The following PTPRJ variants were observed in gnomAD, a reference collection of about 807,000 sequenced individuals.
PTPRJ encodes the protein protein tyrosine phosphatase receptor type J.
PTPRJ carries 129 observed loss-of-function variants against 141.3 expected under a neutral mutation model. That is an observed-to-expected ratio of 0.91 (90% CI 0.79 to 1.06). The LOEUF is 1.06. PTPRJ is among the 50% of genes least tolerant of loss of function. The pLI is 0.00. For synonymous variants in PTPRJ, 610 were observed against 640.5 expected, an observed-to-expected ratio of 0.95 and a Z score of 0.72; for missense variants, 1,601 against 1,679.7, an observed-to-expected ratio of 0.95 and a Z score of 0.82.
At chr11:48,028,624 C>G (rs754055546) in intron 1 of PTPRJ, among the ~76,000 whole-genome samples, 1 of 152,142 alleles carries the variant, frequency 6.6e-6, no homozygotes, top group Non-Finnish European at 1.5e-5. Flanking sequence ...AACCCCGTCT[C>G]TACTAAAAAT....
intron 24 of PTPRJ, among the ~76,000 whole-genome samples, chr11:48,166,321 G>GT (rs1020897521): frequency 1.5e-4 from 22 of 145,452 alleles, no homozygotes; most frequent in East Asian, 2.1e-4. Context: ...ATTGGATGCT[G>GT]TTTTTTTTTT....
At chr11:48,138,039 A>G (rs1857144628) in intron 10 of PTPRJ, among the ~76,000 whole-genome samples, 1 of 152,204 alleles carries the variant, frequency 6.6e-6, no homozygotes, top group Non-Finnish European at 1.5e-5. Flanking sequence ...TTTATCACTC[A>G]GCACCCGTGC....
rs1853872779 is a variant in PTPRJ, at chr11:47,980,664, G to A, written c.-249G>A. On this transcript the variant is annotated 5_prime_UTR_variant, in exon 1 of 25. Transcript: ENST00000418331. ...GGCGCCGCTCGCTCCGCCCCGCGAAGCCCCTGCGCGCTCAGGGACGCGGCC... is the reference window on the plus strand; with the variant it reads ...GGCGCCGCTCGCTCCGCCCCGCGAAACCCCTGCGCGCTCAGGGACGCGGCC... 2.0e-6 allele frequency: 2 copies of A among 986,418 alleles called. No individual in the cohort carries two copies. The highest frequency in any genetic ancestry group is 6.2e-5 in the Admixed American group (1 of 16,138). The allele number at this position is 986,418 out of a possible 1,614,324, so 61.1% of individuals were successfully genotyped here.
chr11:48,074,872 G>A (rs1418597509), intron 1 of PTPRJ, among the ~76,000 whole-genome samples: 1 of 152,146 alleles, frequency 6.6e-6, no homozygotes, highest in Non-Finnish European at 1.5e-5. Context: ...AGGAGTCAGT[G>A]CTCTCAGCAT....
chr11:48,155,877 A>G lies in PTPRJ; in HGVS notation c.3303+3A>G, dbSNP rs1375743501. ...ACATCAATGCCAACTACATGCCTGT[A>G]AGTTGGGGGACGGTCTCACAGCACT... is the stretch of plus-strand genomic sequence containing the variant. On this transcript the variant is annotated splice_donor_region_variant and intron_variant, in intron 20 of 24. Transcript: ENST00000418331. The G allele has an allele frequency of 6.3e-7, 1 of 1,599,644 alleles. No homozygotes were observed. The highest frequency in any genetic ancestry group is 1.3e-5 in the African/African-American group (1 of 74,578).
At chr11:48,038,019 T>G (rs561340658) in intron 1 of PTPRJ, among the ~76,000 whole-genome samples, 337 of 137,566 alleles carry the variant, frequency 2.4e-3, no homozygotes, top group African/African-American at 0.011. Context: ...AGATCATCCT[T>G]CTTTGCTTTA....
At chr11:48,127,716 T>G in intron 6 of PTPRJ, 64 bp from the exon 7 acceptor site, 37 of 1,543,706 alleles carry the variant, frequency 2.4e-5, no homozygotes, top group Non-Finnish European at 3.0e-5. Flanking sequence ...CATGCCCTGA[T>G]GACCTCTCCC....
chr11:48,106,832 G>C (rs1224478694), intron 1 of PTPRJ, among the ~76,000 whole-genome samples: 1 of 137,146 alleles, frequency 7.3e-6, no homozygotes, highest in East Asian at 2.2e-4. Flanking sequence ...GCAGTGGCGC[G>C]ATCTCAGCTC....
chr11:48,046,912 A>ATTTT lies in PTPRJ; in HGVS notation c.97-63128_97-63125dup, dbSNP rs1217187387. ...TACATATATATATATATATATATAT[A>ATTTT]TTTTTTTTTTTTTTTTTTTTTGAGA... is the stretch of plus-strand genomic sequence containing the variant. On this transcript the variant is annotated intron_variant, in intron 1 of 24. Coordinates refer to ENST00000418331, the MANE Select transcript of PTPRJ (RefSeq NM_002843.4). Among the ~76,000 whole-genome samples, 23 of 74,170 alleles carry ATTTT rather than the reference A, an allele frequency of 3.1e-4. 1 individual carries two copies. The highest frequency in any genetic ancestry group is 1.3e-3 in the African/African-American group (18 of 13,722). 48.7% of individuals were successfully genotyped at this position (74,170 alleles called of 152,430 possible). A position where few individuals can be genotyped will look rare whatever the true frequency, so the allele number is the denominator to read the frequency against.
At chr11:48,113,562 G>T (rs1430661343) in intron 3 of PTPRJ, among the ~76,000 whole-genome samples, 2 of 152,128 alleles carry the variant, frequency 1.3e-5, no homozygotes, top group Non-Finnish European at 2.9e-5. Context: ...TTATTCTGTG[G>T]CCCTTACAGA....
chr11:48,006,948 A>G (rs989378298), intron 1 of PTPRJ, among the ~76,000 whole-genome samples: 1 of 152,058 alleles, frequency 6.6e-6, no homozygotes, highest in African/African-American at 2.4e-5. Flanking sequence ...TCTTAATATG[A>G]AGCTAGGCAT....
chr11:47,989,620 A>T (rs116135077), intron 1 of PTPRJ, among the ~76,000 whole-genome samples: 3,522 of 152,164 alleles, frequency 0.023, 140 homozygotes, highest in African/African-American at 0.081. Flanking sequence ...ATTAAAAAAA[A>T]AAAATCTATA....
intron 18 of PTPRJ, 106 bp from the exon 19 acceptor site, chr11:48,153,690 A>T (rs1438424232): frequency 1.7e-5 from 12 of 697,576 alleles, no homozygotes; most frequent in Non-Finnish European, 3.0e-5. Context: ...TTCAAAAACA[A>T]CTTGTCTATG....
At chr11:48,133,093 T>A (rs900591479) in intron 8 of PTPRJ, among the ~76,000 whole-genome samples, 16 of 152,356 alleles carry the variant, frequency 1.1e-4, no homozygotes, top group Non-Finnish European at 2.4e-4. Flanking sequence ...GCTCTCATAC[T>A]GCATTTTACA....
chr11:48,036,579 A>G (rs1251156395), intron 1 of PTPRJ, among the ~76,000 whole-genome samples: 2 of 151,754 alleles, frequency 1.3e-5, no homozygotes, highest in Non-Finnish European at 2.9e-5. Flanking sequence ...ACATATTATT[A>G]CTCCACCATT....
chr11:48,011,602 C>T (rs1349642066), intron 1 of PTPRJ, among the ~76,000 whole-genome samples: 2 of 152,140 alleles, frequency 1.3e-5, no homozygotes, highest in Non-Finnish European at 2.9e-5. Flanking sequence ...AATGCTGCCT[C>T]CTCTTCCTCC....
At chr11:48,060,269 T>C (rs949227828) in intron 1 of PTPRJ, among the ~76,000 whole-genome samples, 5 of 152,212 alleles carry the variant, frequency 3.3e-5, no homozygotes, top group African/African-American at 1.2e-4. Context: ...TTTTATTTTT[T>C]GAAAAATGTT....
chr11:48,040,612 C>CTTTTT (rs398055231), intron 1 of PTPRJ, among the ~76,000 whole-genome samples: 2 of 135,420 alleles, frequency 1.5e-5, no homozygotes, highest in Non-Finnish European at 3.1e-5. Flanking sequence ...TCTTCTTCTT[C>CTTTTT]TTTTTTTTTT....
chr11:48,144,387 C>T (rs1857303390), intron 12 of PTPRJ, among the ~76,000 whole-genome samples: 1 of 152,182 alleles, frequency 6.6e-6, no homozygotes, highest in South Asian at 2.1e-4. Flanking sequence ...CCAACTCTAC[C>T]TCATAGGCAG....
Sources: gnomAD v4.1 joint callset for allele counts (sites outside exome capture counted in the v4.1 genomes callset) on GRCh38, gnomAD v4.1.1 for gene constraint, MANE v1.5 for transcripts, NCBI Gene and HGNC (gene_info 2026-07-23, HGNC 2026-07-21) for gene names.